GMDS: variants seen among roughly 807,000 people sequenced by gnomAD.
GMDS encodes the protein GDP-mannose 4,6 dehydratase.
A neutral mutation model predicts 49.9 loss-of-function variants in GMDS; 20 were observed. The ratio of observed to expected loss-of-function variants is 0.40; its 90% CI spans 0.28 to 0.58. The LOEUF (loss-of-function observed/expected upper bound fraction) is 0.58. Among genes scored for constraint, GMDS ranks in the 20% least tolerant of loss-of-function variants. The probability of loss-of-function intolerance (pLI) is 0.42; values close to 1 mark genes in which losing one functional copy is unlikely to be tolerated. For synonymous variants in GMDS, 177 were observed against 178.6 expected (o/e 0.99, Z 0.07); for missense variants, 362 against 481.4 (o/e 0.75, Z 2.32).
chr6:2,115,724 G>C (rs1774807635), intron 4 of GMDS, 47 bp downstream of exon 4: 8 of 960,376 alleles, frequency 8.3e-6, no homozygotes, highest in Non-Finnish European at 1.4e-5. Flanking sequence ...GTAAAATACA[G>C]AACGCCACAG....
chr6:2,222,444 G>C (rs925791408), intron 1 of GMDS, among the ~76,000 whole-genome samples: 1 of 152,076 alleles, frequency 6.6e-6, no homozygotes, highest in Admixed American at 6.5e-5. Context: ...CCATTCATTC[G>C]GTGCCTCATT....
chr6:2,152,841 A>G (rs931015334), intron 1 of GMDS, among the ~76,000 whole-genome samples: 1 of 152,228 alleles, frequency 6.6e-6, no homozygotes, highest in African/African-American at 2.4e-5. Flanking sequence ...TTATGAAAAT[A>G]TAACTATATC....
chr6:1,809,072 G>A (rs985753377), intron 7 of GMDS, among the ~76,000 whole-genome samples: 1 of 152,052 alleles, frequency 6.6e-6, no homozygotes, highest in Non-Finnish European at 1.5e-5. Context: ...GAACACATCT[G>A]GTGTTTCTTT....
chr6:2,209,277 T>C (rs1206964838), intron 1 of GMDS, among the ~76,000 whole-genome samples: 1 of 152,226 alleles, frequency 6.6e-6, no homozygotes, highest in Non-Finnish European at 1.5e-5. Flanking sequence ...CTGAAATTAG[T>C]ACATACTGTG....
chr6:1,987,646 C>G (rs1383898091), intron 4 of GMDS, among the ~76,000 whole-genome samples: 2 of 151,952 alleles, frequency 1.3e-5, no homozygotes. Flanking sequence ...GTGATAAGAA[C>G]TATGGGGGAA....
At position 2,214,872 on chromosome 6, in the gene GMDS, G is replaced by A. The variant is rs1317314260; in HGVS notation, c.102+30449C>T. 2.6e-5 allele frequency among the ~76,000 whole-genome samples: 4 copies of A among 152,114 alleles called. No homozygotes were observed. In the East Asian group the frequency reaches 7.7e-4, roughly 29 times the overall value. ...CACTGAAGAAAAAACTACAGAATTA[G>A]ATTATCACAACTTTGCAACTTCTAA... On this transcript the variant is annotated intron_variant, in intron 1 of 10. Coordinates refer to ENST00000380815, the MANE Select transcript of GMDS (RefSeq NM_001500.4).
At chr6:2,036,615 T>C (rs1013002819) in intron 4 of GMDS, among the ~76,000 whole-genome samples, 4 of 152,172 alleles carry the variant, frequency 2.6e-5, no homozygotes, top group African/African-American at 9.7e-5. Context: ...CCAGGCAAAA[T>C]GCCAAGACAG....
At chr6:1,762,254 T>A (rs1177020153) in intron 7 of GMDS, among the ~76,000 whole-genome samples, 1 of 152,228 alleles carries the variant, frequency 6.6e-6, no homozygotes, top group Non-Finnish European at 1.5e-5. Flanking sequence ...TGGTTTTCAA[T>A]TCTGTTTTTT....
chr6:1,779,804 C>T (rs553698720), intron 7 of GMDS, among the ~76,000 whole-genome samples: 14 of 152,330 alleles, frequency 9.2e-5, no homozygotes, highest in East Asian at 1.9e-4. Flanking sequence ...CGTAACTGAG[C>T]GAAGTGTCTG....
chr6:2,165,056 T>C (rs202014884), intron 1 of GMDS, among the ~76,000 whole-genome samples: 7 of 152,224 alleles, frequency 4.6e-5, no homozygotes, highest in Non-Finnish European at 1.0e-4. Flanking sequence ...GTGCTCTCCT[T>C]ACTACTGGAA....
rs114748387 is a variant in GMDS at position 1,946,539 on chromosome 6, G to A, written c.643+13328C>T. On this transcript the variant is annotated intron_variant, in intron 6 of 10. Transcript: ENST00000380815. ...CATTACTAACATCACTAACAGTCCCGTAAGTTGAAACTTTTCAAAATTCTA... is the reference window on the plus strand; with the variant it reads ...CATTACTAACATCACTAACAGTCCCATAAGTTGAAACTTTTCAAAATTCTA... Among the ~76,000 whole-genome samples, 459 of 152,234 alleles carry A rather than the reference G, an allele frequency of 3.0e-3. 4 individuals are homozygous for A. Among genetic ancestry groups the A allele is most frequent in the African/African-American group, 0.011 (436 of 41,524 alleles).
At chr6:1,923,588 G>A (rs747818772) in intron 7 of GMDS, among the ~76,000 whole-genome samples, 1 of 152,088 alleles carries the variant, frequency 6.6e-6, no homozygotes, top group African/African-American at 2.4e-5. Flanking sequence ...AATGGAGCTT[G>A]TTCCTGCCAG....
rs567210008 is a variant in GMDS at position 1,677,389 on chromosome 6, G to A, written c.987+49027C>T. ...CAACCATTGTGGAAGACAGTGTGGCGATTCCTCAGGGATCTAGAACTAGAA... is the reference window on the plus strand; with the variant it reads ...CAACCATTGTGGAAGACAGTGTGGCAATTCCTCAGGGATCTAGAACTAGAA... On this transcript the variant is annotated intron_variant, in intron 9 of 10. Coordinates refer to ENST00000380815, the MANE Select transcript of GMDS (RefSeq NM_001500.4). Among the ~76,000 whole-genome samples, 880 of 152,240 alleles carry A rather than the reference G, an allele frequency of 5.8e-3. 6 individuals are homozygous for A. Among genetic ancestry groups the A allele is most frequent in the Non-Finnish European group, 8.5e-3 (579 of 68,026 alleles).
At chr6:1,861,044 C>T (rs966744195) in intron 7 of GMDS, among the ~76,000 whole-genome samples, 3 of 152,164 alleles carry the variant, frequency 2.0e-5, no homozygotes, top group Admixed American at 6.5e-5. Context: ...ACAGAGTTAC[C>T]GAAACAAGAT....
intron 8 of GMDS, among the ~76,000 whole-genome samples, chr6:1,738,358 C>T (rs1034356470): frequency 6.6e-6 from 1 of 152,182 alleles, no homozygotes; most frequent in South Asian, 2.1e-4. Context: ...TCTACTAACC[C>T]AAACTCAAAT....
intron 9 of GMDS, among the ~76,000 whole-genome samples, chr6:1,711,610 A>G (rs1211020862): frequency 1.3e-5 from 2 of 152,162 alleles, no homozygotes; most frequent in Non-Finnish European, 2.9e-5. Flanking sequence ...GTGGCCTGTG[A>G]TTTTGGAGAT....
At chr6:2,011,837 C>G (rs955445044) in intron 4 of GMDS, among the ~76,000 whole-genome samples, 1 of 152,176 alleles carries the variant, frequency 6.6e-6, no homozygotes. Context: ...ATGGGAAAAC[C>G]CCTGAGCCTA....
At chr6:1,732,943 C>T (rs535002983) in intron 8 of GMDS, among the ~76,000 whole-genome samples, 2 of 152,306 alleles carry the variant, frequency 1.3e-5, no homozygotes, top group South Asian at 4.1e-4. Flanking sequence ...ACCCCCTCCC[C>T]GCAGGCCCCT....
At chr6:1,741,753 A>G (rs1767277098) in intron 8 of GMDS, among the ~76,000 whole-genome samples, 1 of 134,246 alleles carries the variant, frequency 7.4e-6, no homozygotes, top group East Asian at 2.6e-4. Flanking sequence ...TGGAGGTTGC[A>G]GTGAGCCAAG....
Sources: allele counts gnomAD v4.1 joint callset (sites outside exome capture counted in the v4.1 genomes callset), GRCh38; gene constraint gnomAD v4.1.1; transcripts MANE v1.5; gene names NCBI Gene and HGNC (gene_info 2026-07-23, HGNC 2026-07-21).